The following TMTC1 variants were observed in gnomAD, a reference collection of about 807,000 sequenced individuals.
The protein encoded by TMTC1 is transmembrane O-mannosyltransferase targeting cadherins 1, also known as protein O-mannosyl-transferase TMTC1.
TMTC1 carries 73 observed loss-of-function variants against 104.8 expected under a neutral mutation model. The observed-to-expected ratio is 0.70, with a 90% confidence interval of 0.58 to 0.85. The LOEUF is 0.85. TMTC1 is among the 40% of genes least tolerant of loss of function. The probability of loss-of-function intolerance (pLI) is 0.00; values close to 1 mark genes in which losing one functional copy is unlikely to be tolerated. For missense variants in TMTC1, 1,035 were observed against 1,096.1 expected, an observed-to-expected ratio of 0.94 and a Z score of 0.79; for synonymous variants, 434 against 428.7, an observed-to-expected ratio of 1.01 and a Z score of -0.15.
chr12:29,712,219 C>T (rs1311222061), intron 5 of TMTC1, among the ~76,000 whole-genome samples: 1 of 152,158 alleles, frequency 6.6e-6, no homozygotes, highest in Non-Finnish European at 1.5e-5. Flanking sequence ...ACCACTAACA[C>T]TGTGGTCGTA....
rs2136708695 is a variant in TMTC1 at position 29,679,504 on chromosome 12, T to C, written c.939-46168A>G. On this transcript the variant is annotated intron_variant, in intron 5 of 17. Transcript: ENST00000539277. Reference sequence around the variant, plus strand: ...AAAGATCAAGGACCAGACAAAAATATGTTAGGCCAGCTCAGAAACCTTTAT... The same window carrying C: ...AAAGATCAAGGACCAGACAAAAATACGTTAGGCCAGCTCAGAAACCTTTAT... Among the ~76,000 whole-genome samples the C allele has an allele frequency of 1.3e-5, 2 of 152,240 alleles. 1 individual carries two copies. Among genetic ancestry groups the C allele is most frequent in the Non-Finnish European group, 2.9e-5 (2 of 67,986 alleles).
intron 5 of TMTC1, among the ~76,000 whole-genome samples, chr12:29,736,432 T>C (rs1942676084): frequency 6.6e-6 from 1 of 152,168 alleles, no homozygotes; most frequent in Admixed American, 6.5e-5. Context: ...TCTCTCTCTT[T>C]TTTTTAAGAC....
intron 5 of TMTC1, among the ~76,000 whole-genome samples, chr12:29,707,660 G>A (rs1941784645): frequency 6.6e-6 from 1 of 152,140 alleles, no homozygotes; most frequent in South Asian, 2.1e-4. Context: ...CCTTGGGTTG[G>A]CCTCTGCACA....
intron 5 of TMTC1, among the ~76,000 whole-genome samples, chr12:29,708,569 T>TA (rs1941814480): frequency 6.6e-6 from 1 of 152,114 alleles, no homozygotes; most frequent in African/African-American, 2.4e-5. Flanking sequence ...ATTTTACCCA[T>TA]AAAGCCCACT....
At chr12:29,717,431 C>A (rs1365147103) in intron 5 of TMTC1, among the ~76,000 whole-genome samples, 28 of 152,074 alleles carry the variant, frequency 1.8e-4, no homozygotes, top group Admixed American at 1.8e-3. Context: ...TGAAACTTGC[C>A]TGTAATGGCT....
At chr12:29,767,812 GTA>G (rs35316467) in intron 2 of TMTC1, 84 bp downstream of exon 2, 20 of 1,149,140 alleles carry the variant, frequency 1.7e-5, no homozygotes, top group South Asian at 3.1e-5. Context: ...ATATTTACAT[GTA>G]TATATATGTG....
rs376427859 is a variant in TMTC1 at position 29,507,571 on chromosome 12, A to G, written c.2509-585T>C. On this transcript the variant is annotated intron_variant, in intron 17 of 17. Coordinates refer to ENST00000539277, the MANE Select transcript of TMTC1 (RefSeq NM_001193451.2). Reference sequence around the variant, plus strand: ...TTTTTTACTACTGCAGGTTTGCAGCAGTATGCATTAGCTATATACTTTTAG... The same window carrying G: ...TTTTTTACTACTGCAGGTTTGCAGCGGTATGCATTAGCTATATACTTTTAG... 3.2e-4 allele frequency among the ~76,000 whole-genome samples: 49 copies of G among 152,362 alleles called. 1 individual carries two copies. In the East Asian group the frequency reaches 4.2e-3, roughly 13 times the overall value.
At position 29,783,912 on chromosome 12, in the gene TMTC1, C is replaced by A; in HGVS notation, c.-161G>T. The A allele has an allele frequency of 1.5e-6, 1 of 651,598 alleles. No homozygotes were observed. The highest frequency in any genetic ancestry group is 1.9e-6 in the Non-Finnish European group (1 of 514,042). 40.4% of individuals were successfully genotyped at this position (651,598 alleles called of 1,614,324 possible). A position where few individuals can be genotyped will look rare whatever the true frequency, so the allele number is the denominator to read the frequency against. On this transcript the variant is annotated 5_prime_UTR_variant, in exon 1 of 18. Coordinates refer to ENST00000539277, the MANE Select transcript of TMTC1 (RefSeq NM_001193451.2). This position sits in a 1 kb window ranked among gnomAD's most constrained non-coding sequence, Gnocchi z 4.7. ...GCTCCCCGCGCTCCGCCGCCGCCTG[C>A]GCCGCGGAGTTGGCCCAGCTGCAAA... is the stretch of plus-strand genomic sequence containing the variant.
intron 5 of TMTC1, among the ~76,000 whole-genome samples, chr12:29,721,789 T>C (rs77711730): frequency 0.047 from 7,140 of 152,130 alleles, 283 homozygotes; most frequent in Non-Finnish European, 0.066. Context: ...GTATATAGGT[T>C]ATTTCTGTTG....
intron 6 of TMTC1, among the ~76,000 whole-genome samples, chr12:29,631,526 CA>C (rs1048720362): frequency 6.6e-6 from 1 of 152,120 alleles, no homozygotes; most frequent in African/African-American, 2.4e-5. Flanking sequence ...ACAACTATGT[CA>C]AAAAACAGTT....
rs1555167547 is a variant in TMTC1, at chr12:29,545,676, C to CACACACACACACACACACACACACAG, written c.1677-9360_1677-9359insCTGTGTGTGTGTGTGTGTGTGTGTGT. 2.8e-4 allele frequency among the ~76,000 whole-genome samples: 38 copies of CACACACACACACACACACACACACAG among 137,942 alleles called. 2 individuals are homozygous for CACACACACACACACACACACACACAG. Among genetic ancestry groups the CACACACACACACACACACACACACAG allele is most frequent in the African/African-American group, 9.8e-4 (35 of 35,648 alleles). The allele number at this position is 137,942 out of a possible 152,430, so 90.5% of individuals were successfully genotyped here. On this transcript the variant is annotated intron_variant, in intron 10 of 17. Transcript: ENST00000539277. ...ACACACACACACACACACACACACACGGATAGAAACTAAGCCTCAGCAAAG... is the reference window on the plus strand; with the variant it reads ...ACACACACACACACACACACACACACACACACACACACACACACACACACAGGGATAGAAACTAAGCCTCAGCAAAG...
At chr12:29,612,865 T>C (rs756382867) in intron 6 of TMTC1, among the ~76,000 whole-genome samples, 2 of 152,234 alleles carry the variant, frequency 1.3e-5, no homozygotes, top group Non-Finnish European at 2.9e-5. Context: ...GGGTGGATAA[T>C]AATCACTTTT....
intron 5 of TMTC1, among the ~76,000 whole-genome samples, chr12:29,714,836 C>G (rs901836694): frequency 4.6e-5 from 7 of 152,202 alleles, no homozygotes; most frequent in African/African-American, 1.7e-4. Context: ...GATCTTAACA[C>G]TGGAGTACAT....
At chr12:29,536,009 T>C (rs1162923492) in intron 11 of TMTC1, 200 bp downstream of exon 11, 2 of 554,780 alleles carry the variant, frequency 3.6e-6, no homozygotes, top group African/African-American at 3.9e-5. Context: ...GGACCATCTT[T>C]GTCTAAAAGC....
At chr12:29,670,316 AATGAATACCTACTGTGCCCC>A (rs1940457228) in intron 5 of TMTC1, among the ~76,000 whole-genome samples, 1 of 152,232 alleles carries the variant, frequency 6.6e-6, no homozygotes, top group African/African-American at 2.4e-5. Flanking sequence ...AATACCATTT[AATGAATACCTACTGTGCCCC>A]AGGCATGGTT....
At chr12:29,514,041 G>T (rs1351361695) in intron 16 of TMTC1, among the ~76,000 whole-genome samples, 3 of 152,236 alleles carry the variant, frequency 2.0e-5, no homozygotes, top group Middle Eastern at 3.4e-3. Flanking sequence ...GTTAGGGAGG[G>T]CTTCCTAAGG....
intron 3 of TMTC1, among the ~76,000 whole-genome samples, chr12:29,757,365 T>C (rs1431850991): frequency 6.6e-6 from 1 of 152,196 alleles, no homozygotes; most frequent in Non-Finnish European, 1.5e-5. Context: ...CTTTGGCTTC[T>C]ACCCACTAGA....
chr12:29,751,336 G>A (rs1466941988), intron 5 of TMTC1, among the ~76,000 whole-genome samples: 3 of 152,076 alleles, frequency 2.0e-5, no homozygotes, highest in African/African-American at 7.2e-5. Context: ...AGAGAGAGAG[G>A]CAGGAGAAGG....
At chr12:29,526,199 C>A (rs1017381621) in intron 11 of TMTC1, among the ~76,000 whole-genome samples, 16 of 152,062 alleles carry the variant, frequency 1.1e-4, no homozygotes, top group Non-Finnish European at 1.8e-4. Context: ...AAAAATGTAA[C>A]CTGGATCAGT....
Sources: gnomAD v4.1 joint callset for allele counts (sites outside exome capture counted in the v4.1 genomes callset) on GRCh38, gnomAD v4.1.1 for gene constraint, Gnocchi (gnomAD v3.1) non-coding constraint, MANE v1.5 for transcripts, NCBI Gene and HGNC (gene_info 2026-07-23, HGNC 2026-07-21) for gene names.